The following LSAMP variants were observed in gnomAD, a reference collection of about 807,000 sequenced individuals.
LSAMP encodes the protein limbic system associated membrane protein, also known as limbic system-associated membrane protein.
A neutral mutation model predicts 38.6 loss-of-function variants in LSAMP; 7 were observed. That is an observed-to-expected ratio of 0.18 (90% CI 0.10 to 0.34). The LOEUF (loss-of-function observed/expected upper bound fraction) is 0.34, where lower values mean the gene tolerates loss of function less well. Among genes scored for constraint, LSAMP ranks in the 10% least tolerant of loss-of-function variants. The pLI, the probability that LSAMP is intolerant of heterozygous loss-of-function variation, is 1.00. For missense variants in LSAMP, 313 were observed against 420.0 expected (o/e 0.75, Z 2.23); for synonymous variants, 154 against 166.8 (o/e 0.92, Z 0.59).
chr3:116,275,511 C>G (rs1420033919), intron 1 of LSAMP, among the ~76,000 whole-genome samples: 1 of 151,334 alleles, frequency 6.6e-6, no homozygotes, highest in Non-Finnish European at 1.5e-5. Context: ...ACGTTATTTA[C>G]CTAATTAATT....
intron 3 of LSAMP, among the ~76,000 whole-genome samples, chr3:116,009,938 A>G (rs1940276915): frequency 6.6e-6 from 1 of 151,968 alleles, no homozygotes; most frequent in African/African-American, 2.4e-5. Flanking sequence ...TTGTTTTGAG[A>G]TGGAGTCTCA....
intron 1 of LSAMP, among the ~76,000 whole-genome samples, chr3:116,216,358 C>T (rs2046219410): frequency 1.3e-5 from 2 of 152,072 alleles, no homozygotes; most frequent in South Asian, 4.2e-4. Context: ...ACATGCTACC[C>T]TAGGTATGCT....
chr3:116,383,356 C>T (rs1349230556), intron 1 of LSAMP, among the ~76,000 whole-genome samples: 1 of 151,920 alleles, frequency 6.6e-6, no homozygotes, highest in African/African-American at 2.4e-5. Flanking sequence ...AAGTAAATTT[C>T]CATGGTGATG....
At chr3:116,018,775 A>G (rs1940553894) in intron 3 of LSAMP, among the ~76,000 whole-genome samples, 2 of 152,136 alleles carry the variant, frequency 1.3e-5, no homozygotes, top group African/African-American at 4.8e-5. Context: ...GAACCTTTTT[A>G]TGGCGATGGT....
intron 1 of LSAMP, among the ~76,000 whole-genome samples, chr3:116,315,786 C>T (rs1279123568): frequency 1.3e-5 from 2 of 152,082 alleles, no homozygotes; most frequent in African/African-American, 4.8e-5. Context: ...CTCAGTTTTA[C>T]TGAAGATAAA....
At chr3:116,000,126 C>T (rs1247875409) in intron 3 of LSAMP, among the ~76,000 whole-genome samples, 1 of 152,142 alleles carries the variant, frequency 6.6e-6, no homozygotes, top group African/African-American at 2.4e-5. Context: ...CAGATTTTCT[C>T]TCTTGGTATT....
Position 115,886,810 on chromosome 3 carries a change from T to C in LSAMP, c.515-34193A>G, listed in dbSNP as rs185403404. On this transcript the variant is annotated intron_variant, in intron 3 of 6. Transcript: ENST00000490035. Reference sequence around the variant, plus strand: ...ATGGGATATCATCTTAGGTTAACAATGTGTTATCTTTTTTTCTGTATTTTG... The same window carrying C: ...ATGGGATATCATCTTAGGTTAACAACGTGTTATCTTTTTTTCTGTATTTTG... Among the ~76,000 whole-genome samples the C allele has an allele frequency of 5.3e-5, 8 of 152,040 alleles. No homozygotes were observed. The East Asian group carries it at 1.5e-3, about 29-fold the overall frequency.
At chr3:116,346,997 T>C (rs2107760454) in intron 1 of LSAMP, among the ~76,000 whole-genome samples, 1 of 152,292 alleles carries the variant, frequency 6.6e-6, no homozygotes, top group East Asian at 1.9e-4. Context: ...TTTATGTAAT[T>C]TTGAAAAATA....
At chr3:116,227,127 G>T (rs557596952) in intron 1 of LSAMP, among the ~76,000 whole-genome samples, 2 of 151,944 alleles carry the variant, frequency 1.3e-5, no homozygotes, top group South Asian at 4.2e-4. Context: ...ACTTTTTTAG[G>T]ATTCATAAAA....
chr3:116,327,030 A>G (rs1244616607), intron 1 of LSAMP, among the ~76,000 whole-genome samples: 1 of 152,182 alleles, frequency 6.6e-6, no homozygotes, highest in Non-Finnish European at 1.5e-5. Context: ...CCAAACTTCC[A>G]GTTAGGTTTT....
At chr3:115,889,431 A>G (rs778078344) in intron 3 of LSAMP, among the ~76,000 whole-genome samples, 22 of 151,958 alleles carry the variant, frequency 1.4e-4, no homozygotes, top group Non-Finnish European at 2.8e-4. Flanking sequence ...TTGGGGTTAT[A>G]TTTAGGTAAG....
intron 1 of LSAMP, among the ~76,000 whole-genome samples, chr3:116,198,502 G>T (rs971692524): frequency 6.6e-6 from 1 of 152,164 alleles, no homozygotes; most frequent in Non-Finnish European, 1.5e-5. Context: ...GGGCACGGTG[G>T]CTCACGCCTG....
intron 3 of LSAMP, among the ~76,000 whole-genome samples, chr3:116,016,382 G>C (rs1940483771): frequency 6.6e-6 from 1 of 152,174 alleles, no homozygotes; most frequent in South Asian, 2.1e-4. Context: ...AAACGCAATA[G>C]AAAGCTAGTT....
At chr3:116,181,156 G>C (rs914447123) in intron 1 of LSAMP, among the ~76,000 whole-genome samples, 4 of 151,944 alleles carry the variant, frequency 2.6e-5, no homozygotes, top group African/African-American at 9.7e-5. Context: ...GTCAGATCTG[G>C]AGATGTTTGC....
intron 1 of LSAMP, among the ~76,000 whole-genome samples, chr3:116,122,532 G>T (rs1708907896): frequency 6.6e-6 from 1 of 152,058 alleles, no homozygotes; most frequent in Non-Finnish European, 1.5e-5. Flanking sequence ...TTATTTGTTA[G>T]TACTTTTTAA....
intron 3 of LSAMP, among the ~76,000 whole-genome samples, chr3:115,901,729 T>C (rs902380037): frequency 2.6e-5 from 4 of 152,168 alleles, no homozygotes; most frequent in African/African-American, 9.6e-5. Flanking sequence ...TCTCTTCCTT[T>C]CTCCCTTATC....
intron 1 of LSAMP, among the ~76,000 whole-genome samples, chr3:116,393,455 G>A (rs2048728977): frequency 6.6e-6 from 1 of 152,224 alleles, no homozygotes; most frequent in Non-Finnish European, 1.5e-5. Context: ...ACAGTGCACA[G>A]TGCCTGGACC....
intron 1 of LSAMP, among the ~76,000 whole-genome samples, chr3:116,148,222 AT>A (rs1345863509): frequency 3.3e-5 from 5 of 151,332 alleles, no homozygotes. Flanking sequence ...AGAACAGAGG[AT>A]TTTATTTGAT....
intron 3 of LSAMP, among the ~76,000 whole-genome samples, chr3:115,919,292 G>C (rs1207870601): frequency 1.3e-5 from 2 of 152,132 alleles, no homozygotes; most frequent in South Asian, 4.1e-4. Context: ...TGCAGGTGAC[G>C]TTTCTTGTGC....
Sources: allele counts gnomAD v4.1 joint callset (sites outside exome capture counted in the v4.1 genomes callset), GRCh38; gene constraint gnomAD v4.1.1; transcripts MANE v1.5; gene names NCBI Gene and HGNC (gene_info 2026-07-23, HGNC 2026-07-21).